Variants in RAD51B observed in about 807,000 individuals in gnomAD.
RAD51B encodes the protein RAD51 paralog B, also known as DNA repair protein RAD51 homolog 2.
RAD51B carries 38 observed loss-of-function variants against 42.2 expected under a neutral mutation model. That is an observed-to-expected ratio of 0.90 (90% confidence interval 0.70 to 1.18). The LOEUF (loss-of-function observed/expected upper bound fraction) is 1.18, where lower values mean the gene tolerates loss of function less well. RAD51B is among the 50% of genes most tolerant of loss of function. The pLI, the probability that RAD51B is intolerant of heterozygous loss-of-function variation, is 0.00. For missense variants in RAD51B, 373 were observed against 400.7 expected, an observed-to-expected ratio of 0.93 and a Z score of 0.59; for synonymous variants, 154 against 145.2, an observed-to-expected ratio of 1.06 and a Z score of -0.43.
intron 9 of RAD51B, among the ~76,000 whole-genome samples, chr14:68,455,150 G>A (rs1341391962): frequency 2.0e-5 from 3 of 152,140 alleles, no homozygotes; most frequent in Non-Finnish European, 2.9e-5. Context: ...TCATGTATAA[G>A]GGACCTTCAA....
chr14:67,823,109 G>A (rs774885383), intron 1 of RAD51B, among the ~76,000 whole-genome samples: 2 of 152,168 alleles, frequency 1.3e-5, no homozygotes, highest in African/African-American at 2.4e-5. Context: ...ACCTATTGCC[G>A]TTACAGTGCA....
intron 8 of RAD51B, among the ~76,000 whole-genome samples, chr14:68,302,191 G>A (rs2081755106): frequency 2.0e-5 from 3 of 152,190 alleles, no homozygotes; most frequent in Non-Finnish European, 4.4e-5. Context: ...GCTAGGTCAT[G>A]TGTTAGACAG....
intron 7 of RAD51B, among the ~76,000 whole-genome samples, chr14:68,282,934 A>G (rs1027688886): frequency 1.3e-5 from 2 of 152,176 alleles, no homozygotes; most frequent in Non-Finnish European, 2.9e-5. Flanking sequence ...CCGCTCTACT[A>G]TATGCCACTG....
chr14:68,524,431 A>C (rs1886792312), intron 10 of RAD51B, among the ~76,000 whole-genome samples: 1 of 151,656 alleles, frequency 6.6e-6, no homozygotes, highest in Admixed American at 6.6e-5. Context: ...ACTCCTCCAC[A>C]CTCCTGACGG....
chr14:67,934,164 T>G (rs1173841526), intron 7 of RAD51B, among the ~76,000 whole-genome samples: 1 of 152,258 alleles, frequency 6.6e-6, no homozygotes, highest in Non-Finnish European at 1.5e-5. Flanking sequence ...TGAAGGGAAC[T>G]GTAACCACTA....
intron 8 of RAD51B, among the ~76,000 whole-genome samples, chr14:68,375,592 T>A (rs2083352231): frequency 6.6e-6 from 1 of 151,970 alleles, no homozygotes; most frequent in African/African-American, 2.4e-5. Flanking sequence ...TGTAACTAAC[T>A]GATTATTTGT....
chr14:68,083,143 C>T (rs2076937311), intron 7 of RAD51B, among the ~76,000 whole-genome samples: 2 of 152,048 alleles, frequency 1.3e-5, no homozygotes, highest in South Asian at 2.1e-4. Flanking sequence ...TTCATGAAAA[C>T]GGTATCTTTT....
intron 7 of RAD51B, among the ~76,000 whole-genome samples, chr14:68,026,002 C>T (rs192803145): frequency 6.6e-6 from 1 of 152,090 alleles, no homozygotes; most frequent in East Asian, 1.9e-4. Context: ...TATAAGCTTT[C>T]CTCTCAATGC....
chr14:68,453,146 TAAAGTTCAC>T (rs1194948806), intron 9 of RAD51B, among the ~76,000 whole-genome samples: 1 of 152,186 alleles, frequency 6.6e-6, no homozygotes, highest in African/African-American at 2.4e-5. Context: ...ATAGAAAAAC[TAAAGTTCAC>T]AAAGAGTGCC....
chr14:68,141,260 T>C (rs2078122024), intron 7 of RAD51B, among the ~76,000 whole-genome samples: 1 of 152,222 alleles, frequency 6.6e-6, no homozygotes, highest in African/African-American at 2.4e-5. Flanking sequence ...TTAGTGTTAG[T>C]TTTAAATGAA....
rs529600711 is a variant in RAD51B, at chr14:67,912,769, G to A, written c.756+25565G>A. The stretch of plus-strand genomic sequence containing the variant: ...TGCCCAGGCTAGAGTGCAGTGGCGC[G>A]ATCTCGGCTCACTGCAACCTCTGTC... On this transcript the variant is annotated intron_variant, in intron 7 of 10. Transcript: ENST00000471583. Among the ~76,000 whole-genome samples the A allele has an allele frequency of 7.9e-5, 12 of 151,068 alleles. No homozygotes were observed. The South Asian group carries it at 1.0e-3, about 13-fold the overall frequency.
At position 68,556,925 on chromosome 14, in the gene RAD51B, CA is replaced by C. The variant is rs137984533; in HGVS notation, c.1037-37559del. Reference sequence around the variant, plus strand: ...TCAGTGTTCCCTGAATAAGCTTCCTCACACCTCATTCCATGGCATCCTCAGG... The same window carrying C: ...TCAGTGTTCCCTGAATAAGCTTCCTCCACCTCATTCCATGGCATCCTCAGG... On this transcript the variant is annotated intron_variant, in intron 10 of 10. Coordinates refer to the RAD51B transcript ENST00000487270. Among the ~76,000 whole-genome samples the C allele has an allele frequency of 3.6e-3, 547 of 152,276 alleles. 7 individuals are homozygous for C. Among genetic ancestry groups the C allele is most frequent in the African/African-American group, 0.013 (526 of 41,546 alleles).
chr14:68,526,714 T>C (rs2140340643), intron 10 of RAD51B, among the ~76,000 whole-genome samples: 1 of 152,308 alleles, frequency 6.6e-6, no homozygotes, highest in South Asian at 2.1e-4. Context: ...CCACTCTGCA[T>C]GGAAGACCTC....
intron 7 of RAD51B, among the ~76,000 whole-genome samples, chr14:68,021,871 A>G (rs965622717): frequency 2.0e-5 from 3 of 152,216 alleles, no homozygotes; most frequent in South Asian, 2.1e-4. Context: ...TGTGCCTTCA[A>G]TGAGTTGTAA....
intron 10 of RAD51B, among the ~76,000 whole-genome samples, chr14:68,631,370 A>C (rs1485759252): frequency 6.6e-6 from 1 of 152,164 alleles, no homozygotes; most frequent in Non-Finnish European, 1.5e-5. Context: ...CCCTCATAAC[A>C]TGCAAGTGTA....
In RAD51B at chr14:68,498,232, C is replaced by A. The variant is rs571249639; in HGVS notation, c.1036+29982C>A. ...ATGCACACAAAACTCATAGTCTCCA[C>A]GTGAAGACACAAATTTTTCACAAAC... is the stretch of plus-strand genomic sequence containing the variant. On this transcript the variant is annotated intron_variant, in intron 10 of 10. Transcript: ENST00000487270. Among the ~76,000 whole-genome samples, 3 of 152,298 alleles carry A rather than the reference C, an allele frequency of 2.0e-5. No homozygotes were observed. The South Asian group carries it at 6.2e-4, about 32-fold the overall frequency.
chr14:68,554,715 G>A (rs1888743105), intron 10 of RAD51B, among the ~76,000 whole-genome samples: 1 of 152,002 alleles, frequency 6.6e-6, no homozygotes, highest in Non-Finnish European at 1.5e-5. Context: ...CTACCATAAT[G>A]TCAGTGTGAC....
chr14:68,544,342 G>A (rs563101547), intron 10 of RAD51B, among the ~76,000 whole-genome samples: 214 of 152,312 alleles, frequency 1.4e-3, no homozygotes, highest in Admixed American at 1.9e-3. Context: ...ACTTACTACA[G>A]TCCTCTGCTC....
In RAD51B at chr14:67,906,971, G is replaced by A. The variant is rs146725267; in HGVS notation, c.756+19767G>A. ...ATTACAGGCATGTGCTACCATACCC[G>A]GCTAATTTTGTATTTTTAGTAAAGA... On this transcript the variant is annotated intron_variant, in intron 7 of 10. Transcript: ENST00000471583. Among the ~76,000 whole-genome samples the A allele has an allele frequency of 4.4e-4, 67 of 151,932 alleles. 1 individual carries two copies. The highest frequency in any genetic ancestry group is 1.5e-3 in the African/African-American group (61 of 41,386).
Sources: gnomAD v4.1 joint callset for allele counts (sites outside exome capture counted in the v4.1 genomes callset) on GRCh38, gnomAD v4.1.1 for gene constraint, MANE v1.5 for transcripts, NCBI Gene and HGNC (gene_info 2026-07-23, HGNC 2026-07-21) for gene names.